The following GPD2 variants were observed in gnomAD, a reference collection of about 807,000 sequenced individuals.
The protein encoded by GPD2 is glycerol-3-phosphate dehydrogenase 2.
A neutral mutation model predicts 82.4 loss-of-function variants in GPD2; 54 were observed. The observed-to-expected ratio is 0.66, with a 90% CI of 0.53 to 0.82. GPD2 has a LOEUF of 0.82. GPD2 is among the 40% of genes least tolerant of loss of function. The pLI is 0.00. For synonymous variants in GPD2, 288 were observed against 306.1 expected, an observed-to-expected ratio of 0.94 and a Z score of 0.62; for missense variants, 748 against 896.2, an observed-to-expected ratio of 0.83 and a Z score of 2.11.
At chr2:156,438,850 CATAG>C (rs1682043297) in intron 1 of GPD2, among the ~76,000 whole-genome samples, 1 of 152,148 alleles carries the variant, frequency 6.6e-6, no homozygotes, top group African/African-American at 2.4e-5. Context: ...CAAGGTAAAA[CATAG>C]ATGGAAAACA....
chr2:156,465,750 A>G (rs535946887), intron 1 of GPD2, among the ~76,000 whole-genome samples: 1 of 152,278 alleles, frequency 6.6e-6, no homozygotes, highest in Admixed American at 6.5e-5. Context: ...AATGTCAAAC[A>G]TTATCTTAAC....
chr2:156,571,154 G>A lies in GPD2; in HGVS notation c.1629G>A (p.Glu543=), dbSNP rs777633295. ...IEAEVKYGIK[E]YACTAVDMIS... is the part of the protein sequence containing the mutation. ...CTCAGGTGAAATATGGGATTAAGGAGTATGCCTGCACTGCTGTGGATATGA... is the reference window on the plus strand; with the variant it reads ...CTCAGGTGAAATATGGGATTAAGGAATATGCCTGCACTGCTGTGGATATGA... The change falls in exon 13 of 17, where the codon GAG becomes GAA. Residue 543 remains glutamate (E), a synonymous_variant. Coordinates refer to ENST00000438166, the MANE Select transcript of GPD2 (RefSeq NM_000408.5). 6 of 1,608,928 alleles carry A rather than the reference G, an allele frequency of 3.7e-6. No individual in the cohort carries two copies. In the Admixed American group the frequency reaches 8.3e-5, roughly 22 times the overall value.
In GPD2 at chr2:156,476,142, GT is replaced by G. The variant is rs767581944; in HGVS notation, c.39del (p.Gly14GlufsTer9). 6.2e-7 allele frequency: 1 copy of G among 1,610,930 alleles called. No homozygotes were observed. Among genetic ancestry groups the G allele is most frequent in the African/African-American group, 1.3e-5 (1 of 74,872 alleles). ...FQKAVKGTIL[V>X]GGGALATVLG... The stretch of plus-strand genomic sequence containing the variant: ...AAAGGCAGTGAAAGGGACGATTCTT[GT>G]TGGAGGAGGTGCTCTTGCAACTGTT... On this transcript the variant is annotated frameshift_variant, in exon 2 of 17. Transcript: ENST00000438166. LOFTEE classifies it high-confidence loss of function.
intron 1 of GPD2, among the ~76,000 whole-genome samples, chr2:156,464,640 C>A (rs994318542): frequency 6.6e-6 from 1 of 152,010 alleles, no homozygotes; most frequent in African/African-American, 2.4e-5. Flanking sequence ...TATAATAGAG[C>A]TGTATTCAAA....
At chr2:156,494,772 A>T (rs994914740) in intron 2 of GPD2, among the ~76,000 whole-genome samples, 5 of 152,214 alleles carry the variant, frequency 3.3e-5, no homozygotes, top group African/African-American at 9.7e-5. Context: ...AAGAAAATGG[A>T]AGTCACATAT....
intron 6 of GPD2, among the ~76,000 whole-genome samples, chr2:156,533,068 C>T (rs1368129355): frequency 2.6e-5 from 4 of 152,244 alleles, no homozygotes; most frequent in South Asian, 2.1e-4. Context: ...CTTCACAAGA[C>T]GGGAAGTTTC....
intron 12 of GPD2, among the ~76,000 whole-genome samples, chr2:156,570,849 G>A (rs540038012): frequency 6.6e-6 from 1 of 152,130 alleles, no homozygotes; most frequent in Non-Finnish European, 1.5e-5. Context: ...GATGACTGTG[G>A]ATGGTTAATG....
chr2:156,508,821 A>G (rs1684878904), intron 3 of GPD2, among the ~76,000 whole-genome samples: 1 of 152,206 alleles, frequency 6.6e-6, no homozygotes, highest in African/African-American at 2.4e-5. Flanking sequence ...CATTCTTAAG[A>G]GATTTGCAGA....
At chr2:156,500,468 T>A (rs186956733) in intron 3 of GPD2, among the ~76,000 whole-genome samples, 2 of 152,348 alleles carry the variant, frequency 1.3e-5, no homozygotes, top group East Asian at 3.9e-4. Flanking sequence ...TATTTGATGC[T>A]TCACTTAACA....
At chr2:156,511,785 T>C (rs577287868) in intron 4 of GPD2, among the ~76,000 whole-genome samples, 4 of 152,332 alleles carry the variant, frequency 2.6e-5, no homozygotes, top group African/African-American at 9.6e-5. Flanking sequence ...TTTTATAATC[T>C]GTAAAATACT....
At chr2:156,409,690 A>T in the GPD2 span, among the ~76,000 whole-genome samples, 1,989 of 152,266 alleles carry the variant, frequency 0.013, 56 homozygotes, top group African/African-American at 0.046. Context: ...ACAGAGGGAG[A>T]TTCCATCTTT....
intron 6 of GPD2, among the ~76,000 whole-genome samples, chr2:156,518,004 A>G (rs565472090): frequency 6.6e-6 from 1 of 152,346 alleles, no homozygotes; most frequent in African/African-American, 2.4e-5. Context: ...CGATGCTTCT[A>G]AGTATTCCTT....
intron 9 of GPD2, among the ~76,000 whole-genome samples, chr2:156,560,399 G>C (rs1320739413): frequency 6.6e-6 from 1 of 152,154 alleles, no homozygotes; most frequent in African/African-American, 2.4e-5. Context: ...TGTTTGATAA[G>C]AGTGTTTGAA....
rs143925736 is a variant in GPD2 at position 156,585,252 on chromosome 2, T to G, written c.*2334T>G. 320 of 152,516 alleles carry G rather than the reference T, an allele frequency of 2.1e-3. 2 individuals carry two copies. Among genetic ancestry groups the G allele is most frequent in the African/African-American group, 7.3e-3 (305 of 41,528 alleles). 9.4% of individuals were successfully genotyped at this position (152,516 alleles called of 1,614,324 possible). On this transcript the variant is annotated 3_prime_UTR_variant, in exon 17 of 17. Transcript: ENST00000438166. ...AGACAAGCAATAGGGGGGAATAAGC[T>G]TCTTCAAAATTCATTCCAAGCACAA...
chr2:156,421,348 A>C, the GPD2 span, among the ~76,000 whole-genome samples: 2 of 152,334 alleles, frequency 1.3e-5, no homozygotes, highest in South Asian at 4.1e-4. Context: ...TTATTTTTCC[A>C]TACACTAAAT....
intron 2 of GPD2, among the ~76,000 whole-genome samples, chr2:156,488,511 C>G (rs1305911609): frequency 6.6e-5 from 10 of 152,174 alleles, no homozygotes; most frequent in Admixed American, 6.5e-4. Flanking sequence ...ACAGGACAAC[C>G]TGGTTGTTAA....
At chr2:156,420,713 T>C in the GPD2 span, among the ~76,000 whole-genome samples, 2 of 152,344 alleles carry the variant, frequency 1.3e-5, no homozygotes, top group Non-Finnish European at 2.9e-5. Context: ...CATTTACACA[T>C]TGAAAATAGA....
In GPD2 at chr2:156,512,410, T is replaced by A; in HGVS notation, c.497+93T>A. The A allele has an allele frequency of 3.9e-6, 3 of 770,868 alleles. No individual in the cohort carries two copies. The South Asian group carries it at 4.1e-5, about 11-fold the overall frequency. The allele number at this position is 770,868 out of a possible 1,614,324, so 47.8% of individuals were successfully genotyped here. A position where few individuals can be genotyped will look rare whatever the true frequency, so the allele number is the denominator to read the frequency against. ...AAATAATCCCTCAATGCATATTTCA[T>A]AATGTGGTTTTAATTGGTCCTAATC... is the stretch of plus-strand genomic sequence containing the variant. On this transcript the variant is annotated intron_variant, in intron 5 of 16. Coordinates refer to ENST00000438166, the MANE Select transcript of GPD2 (RefSeq NM_000408.5).
intron 1 of GPD2, among the ~76,000 whole-genome samples, chr2:156,463,783 A>G (rs11883845): frequency 1.6e-4 from 24 of 152,164 alleles, no homozygotes; most frequent in African/African-American, 5.8e-4. Context: ...CTTTTTTGAA[A>G]AAAAGATCAA....
Sources: allele counts gnomAD v4.1 joint callset (sites outside exome capture counted in the v4.1 genomes callset), GRCh38; gene constraint gnomAD v4.1.1; transcripts MANE v1.5; gene names NCBI Gene and HGNC (gene_info 2026-07-23, HGNC 2026-07-21).